HSPA12A: variants seen among roughly 807,000 people sequenced by gnomAD.
HSPA12A encodes heat shock protein family A (Hsp70) member 12A.
HSPA12A carries 28 observed loss-of-function variants against 69.2 expected under a neutral mutation model. The observed-to-expected ratio is 0.40, with a 90% CI of 0.30 to 0.55. The LOEUF (loss-of-function observed/expected upper bound fraction) is 0.55. Among genes scored for constraint, HSPA12A ranks in the 20% least tolerant of loss-of-function variants. The pLI is 0.38. For missense variants in HSPA12A, 686 were observed against 900.7 expected (o/e 0.76, Z 3.05); for synonymous variants, 345 against 370.5 (o/e 0.93, Z 0.79).
intron 1 of HSPA12A, among the ~76,000 whole-genome samples, chr10:116,722,548 C>T (rs1384632158): frequency 6.6e-6 from 1 of 152,134 alleles, no homozygotes; most frequent in Non-Finnish European, 1.5e-5. Flanking sequence ...GGTGGTATGA[C>T]CCAGAAGTTC....
chr10:116,761,501 A>G (rs1843971498), intron 2 of HSPA12A, among the ~76,000 whole-genome samples: 2 of 151,850 alleles, frequency 1.3e-5, no homozygotes, highest in African/African-American at 2.4e-5. Context: ...AAAAAAAAAA[A>G]GAACAAAAAT....
chr10:116,816,246 A>T (rs1053222680), intron 2 of HSPA12A, among the ~76,000 whole-genome samples: 2 of 152,172 alleles, frequency 1.3e-5, no homozygotes, highest in Non-Finnish European at 2.9e-5. Context: ...TTTCTGCCAC[A>T]TTCATATCAT....
chr10:116,800,998 CTCTG>C (rs1844944340), intron 2 of HSPA12A, among the ~76,000 whole-genome samples: 1 of 152,338 alleles, frequency 6.6e-6, no homozygotes, highest in East Asian at 1.9e-4. Context: ...TGCTCTGATT[CTCTG>C]TCTTTTTGTC....
At chr10:116,733,186 G>A (rs1254765446) in intron 1 of HSPA12A, among the ~76,000 whole-genome samples, 1 of 152,198 alleles carries the variant, frequency 6.6e-6, no homozygotes, top group Non-Finnish European at 1.5e-5. Flanking sequence ...TGATGGTTGT[G>A]CTGTAAACAG....
intron 1 of HSPA12A, among the ~76,000 whole-genome samples, chr10:116,711,882 T>C (rs1169539162): frequency 4.6e-5 from 7 of 152,034 alleles, no homozygotes; most frequent in Admixed American, 3.9e-4. Context: ...AGAGACAGGA[T>C]TTCACTGTGT....
intron 2 of HSPA12A, among the ~76,000 whole-genome samples, chr10:116,815,292 C>G: frequency 6.7e-6 from 1 of 149,362 alleles, no homozygotes; most frequent in African/African-American, 2.5e-5. Context: ...GAGGGCCAGG[C>G]CCAGGGACTC....
At chr10:116,681,733 C>T in intron 8 of HSPA12A, 58 bp downstream of exon 8, 1 of 1,495,670 alleles carries the variant, frequency 6.7e-7, no homozygotes, top group Non-Finnish European at 9.3e-7. Context: ...ATGGGAATGG[C>T]TTTTCACGAG....
intron 1 of HSPA12A, among the ~76,000 whole-genome samples, chr10:116,717,076 G>A (rs990995784): frequency 6.6e-6 from 1 of 152,168 alleles, no homozygotes; most frequent in Non-Finnish European, 1.5e-5. Context: ...TGCAAGCTAA[G>A]AGCCTTACAG....
chr10:116,768,868 T>C (rs1039404357), intron 2 of HSPA12A, among the ~76,000 whole-genome samples: 2 of 152,104 alleles, frequency 1.3e-5, no homozygotes, highest in African/African-American at 4.8e-5. Context: ...CACAGCCCCC[T>C]ATTGCAGGGC....
intron 4 of HSPA12A, 141 bp from the exon 5 acceptor site, chr10:116,698,880 G>C: frequency 1.5e-6 from 1 of 649,086 alleles, no homozygotes; most frequent in Non-Finnish European, 2.7e-6. Context: ...GGCAGACTAG[G>C]ATGGCGCATC....
At chr10:116,717,980 T>C (rs563179535) in intron 1 of HSPA12A, among the ~76,000 whole-genome samples, 23 of 152,270 alleles carry the variant, frequency 1.5e-4, no homozygotes, top group African/African-American at 4.6e-4. Flanking sequence ...CAGAATAACC[T>C]AGAAGAACTT....
chr10:116,711,662 T>C (rs1205871236), intron 1 of HSPA12A, among the ~76,000 whole-genome samples: 1 of 29,620 alleles, frequency 3.4e-5, no homozygotes, highest in Non-Finnish European at 5.8e-5. Flanking sequence ...TCTTTCTTTT[T>C]TTTTCTTTTT....
intron 1 of HSPA12A, among the ~76,000 whole-genome samples, chr10:116,713,845 A>AGAG (rs1480960286): frequency 1.3e-5 from 2 of 152,152 alleles, no homozygotes; most frequent in African/African-American, 4.8e-5. Context: ...CAGCATTTGA[A>AGAG]GAGGCTCTAC....
chr10:116,844,938 CTGAA>C (rs1457236520), intron 1 of HSPA12A, among the ~76,000 whole-genome samples: 5 of 152,324 alleles, frequency 3.3e-5, no homozygotes, highest in African/African-American at 1.2e-4. Flanking sequence ...GAAATGCAGA[CTGAA>C]TAAGTGTTAA....
At chr10:116,848,223 T>C (rs1845933951) in intron 1 of HSPA12A, among the ~76,000 whole-genome samples, 1 of 152,198 alleles carries the variant, frequency 6.6e-6, no homozygotes, top group Non-Finnish European at 1.5e-5. Context: ...GGGATTTCCA[T>C]CTAGCAAGGA....
chr10:116,813,247 A>ATTTTTTTTTTTTTTT lies in HSPA12A; in HGVS notation c.91+21673_91+21687dup, dbSNP rs71013618. Among the ~76,000 whole-genome samples the ATTTTTTTTTTTTTTT allele has an allele frequency of 5.0e-5, 5 of 100,030 alleles. 1 individual carries two copies. The highest frequency in any genetic ancestry group is 7.6e-5 in the Non-Finnish European group (4 of 52,778). The allele number at this position is 100,030 out of a possible 152,430, so 65.6% of individuals were successfully genotyped here. A position where few individuals can be genotyped will look rare whatever the true frequency, so the allele number is the denominator to read the frequency against. ...AAAGAAAGAGGCCATCCAGAGCTCT[A>ATTTTTTTTTTTTTTT]TTTTTTTTTTTTTTTTGAGATGGAG... On this transcript the variant is annotated intron_variant, in intron 2 of 12. Transcript: ENST00000635765.
chr10:116,796,613 C>T (rs1268723052), intron 2 of HSPA12A, among the ~76,000 whole-genome samples: 1 of 152,160 alleles, frequency 6.6e-6, no homozygotes, highest in Non-Finnish European at 1.5e-5. Flanking sequence ...CCAAAAGTTT[C>T]GTTTAAGACA....
At chr10:116,849,713 C>G in exon 1 of HSPA12A, 1 of 1,531,248 alleles carries the variant, frequency 6.5e-7, no homozygotes, top group Non-Finnish European at 8.8e-7. Context: ...TCCAGCCTGC[C>G]GACGTCTACG....
At chr10:116,792,140 T>C (rs948290364) in intron 2 of HSPA12A, among the ~76,000 whole-genome samples, 5 of 151,796 alleles carry the variant, frequency 3.3e-5, no homozygotes, top group African/African-American at 1.2e-4. Context: ...TTTACATGCA[T>C]GATTTTAATC....
Sources: gnomAD v4.1 joint callset for allele counts (sites outside exome capture counted in the v4.1 genomes callset) on GRCh38, gnomAD v4.1.1 for gene constraint, MANE v1.5 for transcripts, NCBI Gene and HGNC (gene_info 2026-07-23, HGNC 2026-07-21) for gene names.